Variants in CNTNAP2 observed in about 807,000 individuals in gnomAD.
CNTNAP2 encodes the protein contactin-associated protein-like 2.
Under a neutral mutation model 155.2 loss-of-function variants are expected in CNTNAP2, and 98 were observed. That is an observed-to-expected ratio of 0.63 (90% CI 0.54 to 0.75). The LOEUF is 0.75. CNTNAP2 is among the 30% of genes least tolerant of loss of function. The probability of loss-of-function intolerance (pLI) is 0.00; values close to 1 mark genes in which losing one functional copy is unlikely to be tolerated. For synonymous variants in CNTNAP2, 651 were observed against 631.2 expected, an observed-to-expected ratio of 1.03 and a Z score of -0.47; for missense variants, 1,727 against 1,688.1, an observed-to-expected ratio of 1.02 and a Z score of -0.40.
At chr7:146,911,332 T>A (rs1198119016) in intron 3 of CNTNAP2, among the ~76,000 whole-genome samples, 1 of 152,104 alleles carries the variant, frequency 6.6e-6, no homozygotes, top group African/African-American at 2.4e-5. Flanking sequence ...CTATAAATCA[T>A]GCTGCTATAA....
chr7:147,137,829 A>T (rs374920662), intron 8 of CNTNAP2, among the ~76,000 whole-genome samples: 1 of 151,726 alleles, frequency 6.6e-6, no homozygotes, highest in Admixed American at 6.6e-5. Flanking sequence ...TGGGTAAATA[A>T]TTGGATAGAT....
intron 8 of CNTNAP2, among the ~76,000 whole-genome samples, chr7:147,150,432 A>C (rs1158132785): frequency 1.3e-5 from 2 of 152,218 alleles, no homozygotes; most frequent in African/African-American, 4.8e-5. Flanking sequence ...AGTATAGTTC[A>C]GAAGTACAAA....
chr7:147,946,902 G>A (rs1046473730), intron 14 of CNTNAP2, among the ~76,000 whole-genome samples: 3 of 152,164 alleles, frequency 2.0e-5, no homozygotes, highest in African/African-American at 7.2e-5. Flanking sequence ...AGGGACAGGG[G>A]AATCACAGGA....
At chr7:147,934,195 T>C (rs1375944041) in intron 14 of CNTNAP2, among the ~76,000 whole-genome samples, 1 of 151,896 alleles carries the variant, frequency 6.6e-6, no homozygotes, top group African/African-American at 2.4e-5. Context: ...TACCTGTTCA[T>C]ACTACAGTTA....
chr7:147,507,498 A>G (rs1411991585), intron 11 of CNTNAP2, among the ~76,000 whole-genome samples: 4 of 150,380 alleles, frequency 2.7e-5, no homozygotes, highest in Non-Finnish European at 5.9e-5. Flanking sequence ...ATTGATGTTA[A>G]CTTATATAAA....
chr7:148,387,191 T>C (rs1799231063), intron 22 of CNTNAP2, among the ~76,000 whole-genome samples: 1 of 152,168 alleles, frequency 6.6e-6, no homozygotes, highest in Non-Finnish European at 1.5e-5. Flanking sequence ...CCCCAGTGGC[T>C]TCAGTTTAAA....
intron 13 of CNTNAP2, among the ~76,000 whole-genome samples, chr7:147,717,731 C>G (rs1258330482): frequency 6.6e-6 from 1 of 151,978 alleles, no homozygotes; most frequent in Non-Finnish European, 1.5e-5. Context: ...AAAAAGCAAA[C>G]AGCCAGACAT....
At chr7:147,243,016 T>TTTTTTTTTTTTTTG (rs1803977056) in intron 8 of CNTNAP2, among the ~76,000 whole-genome samples, 1 of 121,004 alleles carries the variant, frequency 8.3e-6, no homozygotes, top group Non-Finnish European at 1.8e-5. Flanking sequence ...TTTTTTTTTT[T>TTTTTTTTTTTTTTG]GAGAGGGAGT....
intron 15 of CNTNAP2, among the ~76,000 whole-genome samples, chr7:148,055,682 G>A (rs574194419): frequency 1.3e-5 from 2 of 152,260 alleles, no homozygotes; most frequent in South Asian, 4.1e-4. Flanking sequence ...ACTCAAAGCT[G>A]TTCTCTGAGC....
At chr7:146,988,065 T>C (rs1257522940) in intron 3 of CNTNAP2, among the ~76,000 whole-genome samples, 3 of 152,124 alleles carry the variant, frequency 2.0e-5, no homozygotes, top group African/African-American at 7.2e-5. Context: ...TATGATTTAG[T>C]TTTTAGTTCA....
At chr7:147,904,518 C>A (rs1209721788) in intron 14 of CNTNAP2, among the ~76,000 whole-genome samples, 1 of 152,172 alleles carries the variant, frequency 6.6e-6, no homozygotes, top group African/African-American at 2.4e-5. Context: ...TCCATTTCTG[C>A]TTCTGGGCAG....
chr7:147,362,758 T>TA (rs1796166320), intron 9 of CNTNAP2, among the ~76,000 whole-genome samples: 1 of 152,150 alleles, frequency 6.6e-6, no homozygotes, highest in South Asian at 2.1e-4. Context: ...AAACTGCCTG[T>TA]CCTAGATACA....
chr7:148,197,136 C>A (rs910426106), intron 18 of CNTNAP2, among the ~76,000 whole-genome samples: 1 of 151,990 alleles, frequency 6.6e-6, no homozygotes, highest in Admixed American at 6.5e-5. Context: ...TTTACATCAA[C>A]AACCTACTAT....
intron 1 of CNTNAP2, among the ~76,000 whole-genome samples, chr7:146,354,701 C>A (rs529083827): frequency 6.6e-5 from 10 of 152,246 alleles, no homozygotes; most frequent in African/African-American, 2.4e-4. Flanking sequence ...GGAAGTGAGC[C>A]ACTGTGCCCG....
At chr7:146,268,680 A>G (rs959303342) in intron 1 of CNTNAP2, among the ~76,000 whole-genome samples, 2 of 152,214 alleles carry the variant, frequency 1.3e-5, no homozygotes, top group Non-Finnish European at 2.9e-5. Flanking sequence ...AAAGAGGAAA[A>G]TGAAAGAATA....
intron 20 of CNTNAP2, among the ~76,000 whole-genome samples, chr7:148,260,926 T>C (rs1181687097): frequency 6.6e-6 from 1 of 152,188 alleles, no homozygotes; most frequent in African/African-American, 2.4e-5. Context: ...AAGTAGTAAT[T>C]TTGAAAAAGT....
intron 1 of CNTNAP2, among the ~76,000 whole-genome samples, chr7:146,690,046 A>G (rs926051949): frequency 3.9e-5 from 6 of 151,938 alleles, no homozygotes; most frequent in African/African-American, 7.2e-5. Flanking sequence ...AATTTTGCAA[A>G]TAGCCACACA....
At chr7:147,450,168 G>A (rs372919044) in intron 10 of CNTNAP2, among the ~76,000 whole-genome samples, 1 of 152,060 alleles carries the variant, frequency 6.6e-6, no homozygotes. Flanking sequence ...AGCAAAGAAC[G>A]TTTTTTTCCC....
At chr7:148,124,821 T>C (rs1437612857) in intron 16 of CNTNAP2, among the ~76,000 whole-genome samples, 1 of 152,122 alleles carries the variant, frequency 6.6e-6, no homozygotes, top group East Asian at 1.9e-4. Flanking sequence ...CAAAGTATTA[T>C]GAACAATCGG....
Sources: gnomAD v4.1 joint callset for allele counts (sites outside exome capture counted in the v4.1 genomes callset) on GRCh38, gnomAD v4.1.1 for gene constraint, MANE v1.5 for transcripts, NCBI Gene and HGNC (gene_info 2026-07-23, HGNC 2026-07-21) for gene names.